FBXW10: variants seen among roughly 807,000 people sequenced by gnomAD.
FBXW10 encodes the protein F-box/WD repeat-containing protein 10.
A neutral mutation model predicts 113.1 loss-of-function variants in FBXW10; 68 were observed. The observed-to-expected ratio is 0.60, with a 90% CI of 0.49 to 0.74. The LOEUF (loss-of-function observed/expected upper bound fraction) is 0.74. FBXW10 is among the 30% of genes least tolerant of loss of function. The probability of loss-of-function intolerance (pLI) is 0.00; values close to 1 mark genes in which losing one functional copy is unlikely to be tolerated. For missense variants in FBXW10, 753 were observed against 1,284.5 expected (o/e 0.59, Z 6.32); for synonymous variants, 289 against 481.6 (o/e 0.60, Z 5.24).
intron 7 of FBXW10, among the ~76,000 whole-genome samples, chr17:18,762,889 T>G (rs925654621): frequency 9.4e-5 from 14 of 148,982 alleles, no homozygotes; most frequent in Admixed American, 3.4e-4. Flanking sequence ...TACCTTTTCT[T>G]GCATAAATTT....
At position 18,779,136 on chromosome 17, in the gene FBXW10, C is replaced by T; in HGVS notation, c.2997C>T (p.Ala999=). The change falls in exon 14 of 14, where the codon GCC becomes GCT. Residue 999 remains alanine (A), a synonymous_variant. Transcript: ENST00000395665. ...TVKEEKEHQE[A]KMKEYQARES... ...AGGAGGAGAAGGAGCACCAGGAAGC[C>T]AAGATGAAGGAATATCAGGCCAGGG... 7.4e-7 allele frequency: 1 copy of T among 1,344,012 alleles called. No individual in the cohort carries two copies. The highest frequency in any genetic ancestry group is 2.3e-5 in the East Asian group (1 of 43,794). The allele number at this position is 1,344,012 out of a possible 1,614,324, so 83.3% of individuals were successfully genotyped here.
chr17:18,748,432 A>G (rs954400280), intron 2 of FBXW10, among the ~76,000 whole-genome samples: 15 of 140,856 alleles, frequency 1.1e-4, no homozygotes, highest in African/African-American at 3.8e-4. Context: ...AAAAAAAAAA[A>G]GAAAGCCAAT....
Position 18,769,942 on chromosome 17 carries a change from G to C in FBXW10, c.1863G>C (p.Val621=). The change falls in exon 11 of 14, where the codon GTG becomes GTC. Residue 621 remains valine, a synonymous_variant. Coordinates refer to ENST00000395665, the MANE Select transcript of FBXW10 (RefSeq NM_001267585.2). ...AFKHPKEVLD[V]SLLFLRVISA... ...TCCCTTCCAGGGAGGTGCTCGACGT[G>C]TCCCTTCTCTTCCTCCGGGTCATCA... is the stretch of plus-strand genomic sequence containing the variant. 6.2e-7 allele frequency: 1 copy of C among 1,614,164 alleles called. No individual in the cohort carries two copies. The highest frequency in any genetic ancestry group is 8.5e-7 in the Non-Finnish European group (1 of 1,180,038).
intron 10 of FBXW10, 176 bp from the exon 11 acceptor site, chr17:18,769,751 T>C: frequency 1.4e-6 from 1 of 692,642 alleles, no homozygotes; most frequent in East Asian, 2.8e-5. Flanking sequence ...CACTCCAGCC[T>C]GGGCAACAAG....
At position 18,764,381 on chromosome 17, in the gene FBXW10, T is replaced by C. The variant is rs551795311; in HGVS notation, c.1434-361T>C. ...CACGCCCAGCTAACTTTTGTATTTT[T>C]AGTAGAGACAGGGTTTCACCATGTT... is the stretch of plus-strand genomic sequence containing the variant. On this transcript the variant is annotated intron_variant, in intron 7 of 13. Transcript: ENST00000395665. Among the ~76,000 whole-genome samples, 14 of 152,120 alleles carry C rather than the reference T, an allele frequency of 9.2e-5. No individual in the cohort carries two copies. The South Asian group carries it at 2.9e-3, about 32-fold the overall frequency.
intron 2 of FBXW10, among the ~76,000 whole-genome samples, chr17:18,749,198 T>C (rs1230463840): frequency 1.3e-5 from 2 of 152,058 alleles, no homozygotes; most frequent in Non-Finnish European, 2.9e-5. Flanking sequence ...TCTAGACTTC[T>C]CCTTGGGCTG....
At position 18,778,624 on chromosome 17, in the gene FBXW10, G is replaced by T; in HGVS notation, c.2485G>T (p.Gly829Trp). 1 of 1,613,824 alleles carries T rather than the reference G, an allele frequency of 6.2e-7. No individual in the cohort carries two copies. The highest frequency in any genetic ancestry group is 1.1e-5 in the South Asian group (1 of 91,062). Reference sequence around the variant, plus strand: ...CGCCCTGCAGCACGCCCATAATTCCGGGGAATTTGCCTATCCCTGTAGGCC... The same window carrying T: ...CGCCCTGCAGCACGCCCATAATTCCTGGGAATTTGCCTATCCCTGTAGGCC... ...VSALQHAHNSGEFAYPCRPQT... is the reference protein window; with the variant it reads ...VSALQHAHNSWEFAYPCRPQT... The change falls in exon 14 of 14, where the codon GGG (glycine) becomes TGG (tryptophan). Residue 829 changes from glycine to tryptophan, a missense_variant. Coordinates refer to ENST00000395665, the MANE Select transcript of FBXW10 (RefSeq NM_001267585.2).
chr17:18,756,191 G>T, intron 6 of FBXW10, 37 bp downstream of exon 6: 1 of 1,593,472 alleles, frequency 6.3e-7, no homozygotes, highest in Non-Finnish European at 8.6e-7. Context: ...CTCTAGGGAT[G>T]CTTGAGTTAC....
chr17:18,749,300 A>C (rs967332868), intron 2 of FBXW10, among the ~76,000 whole-genome samples: 8 of 152,112 alleles, frequency 5.3e-5, no homozygotes, highest in African/African-American at 1.7e-4. Context: ...GCACTCTGGG[A>C]GGCCGAGGCG....
Position 18,778,889 on chromosome 17 carries a change from G to A in FBXW10, c.2750G>A (p.Arg917Lys), listed in dbSNP as rs149783676. The A allele has an allele frequency of 1.9e-4, 303 of 1,613,804 alleles. No homozygotes were observed. The African/African-American group carries it at 3.1e-3, about 17-fold the overall frequency. The change falls in exon 14 of 14, where the codon AGG (arginine) becomes AAG (lysine). Residue 917 changes from arginine (R) to lysine (K), a missense_variant. Coordinates refer to ENST00000395665, the MANE Select transcript of FBXW10 (RefSeq NM_001267585.2). ...CCCCAGCCCATGATTATCCGCTCCA[G>A]GTTCTCTGGCAGCTTAAAGGGTGGA... ...TIPQPMIIRS[R>K]FSGSLKGGDQ...
At chr17:18,768,934 A>AT (rs59007149) in intron 10 of FBXW10, among the ~76,000 whole-genome samples, 34,226 of 114,032 alleles carry the variant, frequency 0.3, 6,328 homozygotes, top group East Asian at 0.58. Context: ...GAAGTTATTG[A>AT]TTTTTTTTTT....
chr17:18,761,075 G>A (rs1198049621), intron 7 of FBXW10, among the ~76,000 whole-genome samples: 1 of 152,038 alleles, frequency 6.6e-6, no homozygotes. Context: ...GCATTGATTT[G>A]AGGTGCTATC....
At chr17:18,768,139 C>T (rs1442139894) in intron 9 of FBXW10, among the ~76,000 whole-genome samples, 2 of 150,988 alleles carry the variant, frequency 1.3e-5, no homozygotes, top group Non-Finnish European at 2.9e-5. Context: ...GAGATCTTGG[C>T]GCACTGCAAC....
intron 11 of FBXW10, 72 bp downstream of exon 11, chr17:18,770,157 G>A: frequency 1.2e-6 from 2 of 1,602,898 alleles, no homozygotes; most frequent in Non-Finnish European, 1.7e-6. Context: ...CCTCCCCTGG[G>A]ATACCAGCCC....
intron 9 of FBXW10, among the ~76,000 whole-genome samples, chr17:18,768,047 CTTCCTTCT>C (rs1386302044): frequency 1.3e-3 from 187 of 141,864 alleles, no homozygotes; most frequent in Middle Eastern, 7.0e-3. Context: ...TCCTTCCTTC[CTTCCTTCT>C]TTCTTTCTTT....
chr17:18,749,305 G>T (rs1480807722), intron 2 of FBXW10, among the ~76,000 whole-genome samples: 1 of 152,008 alleles, frequency 6.6e-6, no homozygotes, highest in Non-Finnish European at 1.5e-5. Context: ...CTGGGAGGCC[G>T]AGGCGGGCGG....
intron 9 of FBXW10, among the ~76,000 whole-genome samples, chr17:18,768,192 C>T (rs1159853565): frequency 6.6e-6 from 1 of 151,920 alleles, no homozygotes; most frequent in Admixed American, 6.6e-5. Flanking sequence ...CTCAGCCACC[C>T]GAGTGGCTGG....
intron 10 of FBXW10, chr17:18,769,363 G>A (rs1380982304): frequency 6.5e-6 from 1 of 152,820 alleles, no homozygotes; most frequent in Non-Finnish European, 1.5e-5. Context: ...AAAAAAGATT[G>A]TGACATCAGC....
chr17:18,749,196 TCTC>T (rs779595825), intron 2 of FBXW10, among the ~76,000 whole-genome samples: 10 of 151,984 alleles, frequency 6.6e-5, no homozygotes, highest in Non-Finnish European at 1.2e-4. Context: ...ACTCTAGACT[TCTC>T]CTTGGGCTGA....
Sources: allele counts gnomAD v4.1 joint callset (sites outside exome capture counted in the v4.1 genomes callset), GRCh38; gene constraint gnomAD v4.1.1; transcripts MANE v1.5; gene names NCBI Gene and HGNC (gene_info 2026-07-23, HGNC 2026-07-21).